NRK: variants seen among roughly 807,000 people sequenced by gnomAD.
NRK encodes nik-related protein kinase.
In NRK, 67 loss-of-function variants were observed where a neutral mutation model predicts 125.2. The observed-to-expected ratio is 0.54, with a 90% CI of 0.44 to 0.66. The LOEUF (loss-of-function observed/expected upper bound fraction) is 0.66. Ranked by LOEUF, NRK falls within the 30% of genes least tolerant of loss-of-function variation. NRK has a pLI of 0.00. For synonymous variants in NRK, 458 were observed against 429.0 expected, an observed-to-expected ratio of 1.07 and a Z score of -0.84; for missense variants, 1,224 against 1,192.9, an observed-to-expected ratio of 1.03 and a Z score of -0.38.
intron 2 of NRK, among the ~76,000 whole-genome samples, chrX:105,832,609 A>G (rs1415819835): frequency 9.0e-6 from 1 of 110,953 alleles, no homozygotes; most frequent in East Asian, 2.9e-4. Flanking sequence ...TCTAGTTCAG[A>G]AAAGGGTGCC....
At chrX:105,861,939 T>A (rs962014055) in intron 2 of NRK, among the ~76,000 whole-genome samples, 2 of 110,835 alleles carry the variant, frequency 1.8e-5, no homozygotes, top group Non-Finnish European at 3.8e-5. Flanking sequence ...GGCACGCGCC[T>A]GTAATCCCAG....
intron 23 of NRK, among the ~76,000 whole-genome samples, chrX:105,942,153 G>A (rs1226617761): frequency 9.0e-6 from 1 of 111,723 alleles, no homozygotes; most frequent in African/African-American, 3.3e-5. Flanking sequence ...GTATTGCATT[G>A]TATGGATATA....
chrX:105,917,209 T>A (rs924468611), intron 15 of NRK, among the ~76,000 whole-genome samples: 1 of 111,203 alleles, frequency 9.0e-6, no homozygotes, highest in Non-Finnish European at 1.9e-5. Flanking sequence ...CAGTAACTTG[T>A]TTATTATGTT....
chrX:105,917,450 A>C, intron 15 of NRK, 128 bp from the exon 16 acceptor site: 2 of 339,473 alleles, frequency 5.9e-6, no homozygotes, highest in Non-Finnish European at 1.0e-5. Context: ...TACTCAAGTT[A>C]TACTTCTTTT....
At chrX:105,918,122 C>G in intron 16 of NRK, among the ~76,000 whole-genome samples, 1 of 111,160 alleles carries the variant, frequency 9.0e-6, no homozygotes, top group African/African-American at 3.3e-5. Context: ...ATAAATATCC[C>G]TAAATGTTAC....
chrX:105,884,005 C>T (rs910917441), intron 4 of NRK, among the ~76,000 whole-genome samples: 5 of 112,559 alleles, frequency 4.4e-5, no homozygotes, highest in Admixed American at 1.9e-4. Flanking sequence ...AGGATTTTTA[C>T]CTTTCTAGAA....
chrX:105,834,755 T>A (rs2039240670), intron 2 of NRK, among the ~76,000 whole-genome samples: 1 of 110,761 alleles, frequency 9.0e-6, no homozygotes, highest in African/African-American at 3.3e-5. Flanking sequence ...TGATCAATTT[T>A]TTTTCTATCT....
intron 2 of NRK, among the ~76,000 whole-genome samples, chrX:105,861,936 G>A (rs777564976): frequency 8.3e-4 from 92 of 111,003 alleles, no homozygotes; most frequent in African/African-American, 2.8e-3. Context: ...GGTGGCACGC[G>A]CCTGTAATCC....
At chrX:105,858,492 A>G (rs1479946266) in intron 2 of NRK, among the ~76,000 whole-genome samples, 2 of 109,830 alleles carry the variant, frequency 1.8e-5, no homozygotes, top group African/African-American at 6.6e-5. Context: ...TTGTGTAGTT[A>G]TAGAAAAGCA....
chrX:105,909,325 C>T lies in NRK; in HGVS notation c.1684C>T (p.Gln562Ter), dbSNP rs1308816134. 8.3e-7 allele frequency: 1 copy of T among 1,203,927 alleles called. No homozygotes were observed. The highest frequency in any genetic ancestry group is 1.1e-6 in the Non-Finnish European group (1 of 891,540). Residue 562 changes from glutamine (Q) to a stop codon, truncating the protein, a stop_gained, in exon 13 of 29, where the codon CAG (glutamine) becomes TAG (stop). Coordinates refer to ENST00000243300, the MANE Select transcript of NRK (RefSeq NM_198465.4). LOFTEE classifies it high-confidence loss of function. Reference protein sequence around the residue: ...QNQAPEQPEVQEQAAEPAQAE... With the variant: ...QNQAPEQPEV ...CCAGGCACCTGAACAGCCAGAGGTA[C>T]AGGAACAGGCTGCCGAGCCTGCACA...
At chrX:105,823,164 C>T (rs1391977046) in intron 1 of NRK, among the ~76,000 whole-genome samples, 1 of 112,517 alleles carries the variant, frequency 8.9e-6, no homozygotes, top group African/African-American at 3.2e-5. Flanking sequence ...GTGCTGCGGA[C>T]CCTAAACAGC....
At chrX:105,830,863 A>G (rs2039181430) in intron 1 of NRK, among the ~76,000 whole-genome samples, 191 bp from the exon 2 acceptor site, 1 of 108,431 alleles carries the variant, frequency 9.2e-6, no homozygotes, top group African/African-American at 3.4e-5. Flanking sequence ...TAACATTAGG[A>G]GATATACCTA....
At chrX:105,872,784 G>A (rs952249888) in intron 2 of NRK, among the ~76,000 whole-genome samples, 3 of 111,625 alleles carry the variant, frequency 2.7e-5, no homozygotes, top group Middle Eastern at 4.6e-3. Context: ...ATAAGGACTC[G>A]TTAGCCTTTC....
At chrX:105,919,069 A>G (rs1396525542) in intron 16 of NRK, among the ~76,000 whole-genome samples, 1 of 108,557 alleles carries the variant, frequency 9.2e-6, no homozygotes, top group Middle Eastern at 4.7e-3. Context: ...AAATTTTAGC[A>G]TGTGTTCAGT....
intron 2 of NRK, among the ~76,000 whole-genome samples, chrX:105,866,487 A>G (rs987791001): frequency 8.9e-6 from 1 of 112,086 alleles, no homozygotes; most frequent in East Asian, 2.8e-4. Flanking sequence ...TGAAAAATTG[A>G]TTATAATCTT....
At chrX:105,857,604 C>G (rs2039547632) in intron 2 of NRK, among the ~76,000 whole-genome samples, 1 of 111,268 alleles carries the variant, frequency 9.0e-6, no homozygotes, top group Admixed American at 9.6e-5. Flanking sequence ...AAAATCCCCC[C>G]CTTTTTTTTT....
At chrX:105,902,715 A>G (rs1441927204) in intron 9 of NRK, among the ~76,000 whole-genome samples, 7 of 111,847 alleles carry the variant, frequency 6.3e-5, no homozygotes, top group Non-Finnish European at 1.3e-4. Context: ...CAGATCAGCA[A>G]CGGCATTAGA....
At chrX:105,906,364 C>G (rs1387867976) in intron 10 of NRK, 50 bp from the exon 11 acceptor site, 1 of 720,095 alleles carries the variant, frequency 1.4e-6, no homozygotes, top group East Asian at 3.6e-5. Context: ...GGGAAGAGGT[C>G]TGACAGGACT....
At position 105,922,803 on chromosome X, in the gene NRK, C is replaced by G. The variant is rs754628528; in HGVS notation, c.2611-315C>G. ...GGATAAAACAAAAGGGAAAAGTTAC[C>G]ATTTTTAAGGAGCATCAAATCTCCT... On this transcript the variant is annotated intron_variant, in intron 17 of 28. Transcript: ENST00000243300. Among the ~76,000 whole-genome samples, 19 of 111,234 alleles carry G rather than the reference C, an allele frequency of 1.7e-4. No individual in the cohort carries two copies. The East Asian group carries it at 5.4e-3, about 32-fold the overall frequency.
Sources: gnomAD v4.1 joint callset for allele counts (sites outside exome capture counted in the v4.1 genomes callset) on GRCh38, gnomAD v4.1.1 for gene constraint, MANE v1.5 for transcripts, NCBI Gene and HGNC (gene_info 2026-07-23, HGNC 2026-07-21) for gene names.